Variants in ZBTB20 observed in about 807,000 individuals in gnomAD.
The protein encoded by ZBTB20 is zinc finger and BTB domain-containing protein 20.
ZBTB20 carries 9 observed loss-of-function variants against 56.9 expected under a neutral mutation model. The observed-to-expected ratio is 0.16, with a 90% CI of 0.10 to 0.28. The LOEUF (loss-of-function observed/expected upper bound fraction) is 0.28, where lower values mean the gene tolerates loss of function less well. ZBTB20 is among the 10% of genes least tolerant of loss of function. The pLI is 1.00. For missense variants in ZBTB20, 655 were observed against 1,003.0 expected, an observed-to-expected ratio of 0.65 and a Z score of 4.69; for synonymous variants, 417 against 420.7, an observed-to-expected ratio of 0.99 and a Z score of 0.11.
chr3:115,099,161 GA>G (rs1331160181), intron 1 of ZBTB20, among the ~76,000 whole-genome samples: 1 of 151,202 alleles, frequency 6.6e-6, no homozygotes, highest in Non-Finnish European at 1.5e-5. Flanking sequence ...CTATAAAAAA[GA>G]AAAAAAGAAA....
rs1553778290 is a variant in ZBTB20 at position 114,315,568 on chromosome 3, A to AGAGT, written c.*23436_*23437insACTC. Reference sequence around the variant, plus strand: ...GTGTGTATTTTAGGTCTAAACATACAGTGTGTGTGTGTGTGTGTGTGTGTG... The same window carrying AGAGT: ...GTGTGTATTTTAGGTCTAAACATACAGAGTGTGTGTGTGTGTGTGTGTGTGTGTG... On this transcript the variant is annotated 3_prime_UTR_variant, in exon 12 of 12. Coordinates refer to ENST00000675478, the MANE Select transcript of ZBTB20 (RefSeq NM_001348800.3). The AGAGT allele has an allele frequency of 0.085, 12,598 of 147,632 alleles. 679 individuals are homozygous for AGAGT. The highest frequency in any genetic ancestry group is 0.098 in the Non-Finnish European group (6,555 of 67,064). 9.1% of individuals were successfully genotyped at this position (147,632 alleles called of 1,614,324 possible). A position where few individuals can be genotyped will look rare whatever the true frequency, so the allele number is the denominator to read the frequency against.
chr3:114,904,436 T>C (rs1258813438), intron 3 of ZBTB20: 2 of 152,054 alleles, frequency 1.3e-5, no homozygotes, highest in Admixed American at 6.6e-5. Context: ...TTACATGCTT[T>C]ACATTTAAAT....
intron 7 of ZBTB20, among the ~76,000 whole-genome samples, chr3:114,410,414 A>G (rs971774411): frequency 1.3e-5 from 2 of 152,284 alleles, no homozygotes; most frequent in East Asian, 3.9e-4. Context: ...GGAAAAGGAC[A>G]TTAGAGAGAA....
intron 5 of ZBTB20, among the ~76,000 whole-genome samples, chr3:114,763,739 G>T (rs2068596879): frequency 6.6e-6 from 1 of 151,962 alleles, no homozygotes; most frequent in East Asian, 1.9e-4. Flanking sequence ...GTGAGGTGAT[G>T]AATATATTAA....
chr3:114,654,230 T>C (rs2060278740), intron 6 of ZBTB20, among the ~76,000 whole-genome samples: 2 of 151,948 alleles, frequency 1.3e-5, no homozygotes, highest in African/African-American at 2.4e-5. Context: ...CCTTCTAATT[T>C]AGGATTAAAA....
chr3:114,673,440 T>C (rs1233418699), intron 6 of ZBTB20, among the ~76,000 whole-genome samples: 6 of 152,170 alleles, frequency 3.9e-5, no homozygotes, highest in African/African-American at 1.2e-4. Context: ...ATAATAATAA[T>C]AACCTCGACT....
chr3:114,951,406 G>A (rs938747276), intron 3 of ZBTB20, among the ~76,000 whole-genome samples: 1 of 152,034 alleles, frequency 6.6e-6, no homozygotes, highest in African/African-American at 2.4e-5. Flanking sequence ...AAAAGGGGCT[G>A]CAGAAAGTGA....
chr3:114,440,327 G>T (rs891834394), intron 7 of ZBTB20, among the ~76,000 whole-genome samples: 1 of 152,022 alleles, frequency 6.6e-6, no homozygotes, highest in African/African-American at 2.4e-5. Context: ...GATTTGTCCT[G>T]TAAGGAAGGG....
intron 6 of ZBTB20, among the ~76,000 whole-genome samples, chr3:114,559,132 A>G (rs1373169674): frequency 6.6e-6 from 1 of 152,174 alleles, no homozygotes; most frequent in African/African-American, 2.4e-5. Flanking sequence ...TCACTATTGT[A>G]TTTCCAGTGT....
chr3:114,400,740 C>T (rs1483234342), intron 7 of ZBTB20, among the ~76,000 whole-genome samples: 1 of 152,026 alleles, frequency 6.6e-6, no homozygotes, highest in Non-Finnish European at 1.5e-5. Flanking sequence ...CCTGAGGACC[C>T]GTTTTCTCCT....
intron 6 of ZBTB20, among the ~76,000 whole-genome samples, chr3:114,590,616 A>C (rs934280465): frequency 1.3e-5 from 2 of 152,096 alleles, no homozygotes; most frequent in African/African-American, 4.8e-5. Flanking sequence ...TATTATAGGA[A>C]ATGATGGTAA....
chr3:114,539,464 C>G (rs1227583507), intron 6 of ZBTB20, among the ~76,000 whole-genome samples: 1 of 152,038 alleles, frequency 6.6e-6, no homozygotes, highest in African/African-American at 2.4e-5. Context: ...TGCTTCTCTA[C>G]CTTAGGACAT....
chr3:114,390,776 G>A (rs1036777965), intron 7 of ZBTB20, among the ~76,000 whole-genome samples: 2 of 152,198 alleles, frequency 1.3e-5, no homozygotes, highest in South Asian at 2.1e-4. Context: ...GCATCTATGA[G>A]GCACCTGGAT....
At chr3:114,829,887 A>T (rs2073754500) in intron 4 of ZBTB20, among the ~76,000 whole-genome samples, 1 of 151,756 alleles carries the variant, frequency 6.6e-6, no homozygotes, top group African/African-American at 2.4e-5. Flanking sequence ...TTTCATGTTG[A>T]CTTTCCTTGA....
At chr3:114,384,013 T>A (rs1273780992) in intron 8 of ZBTB20, among the ~76,000 whole-genome samples, 1 of 152,070 alleles carries the variant, frequency 6.6e-6, no homozygotes, top group Non-Finnish European at 1.5e-5. Flanking sequence ...AGAGGCGAAC[T>A]CCCGACCAGA....
At chr3:114,982,756 AC>A (rs2078381376) in intron 2 of ZBTB20, among the ~76,000 whole-genome samples, 1 of 151,996 alleles carries the variant, frequency 6.6e-6, no homozygotes, top group Non-Finnish European at 1.5e-5. Flanking sequence ...AGTGTGCTGC[AC>A]CCAGTAACTC....
intron 7 of ZBTB20, among the ~76,000 whole-genome samples, chr3:114,404,431 T>C (rs192209948): frequency 7.2e-5 from 11 of 152,218 alleles, no homozygotes; most frequent in Admixed American, 7.2e-4. Context: ...AACAGCTCTG[T>C]TTGAATAATT....
chr3:114,994,824 C>T (rs890624957), intron 2 of ZBTB20, among the ~76,000 whole-genome samples: 3 of 151,858 alleles, frequency 2.0e-5, no homozygotes, highest in Admixed American at 2.0e-4. Context: ...GATGAATTTA[C>T]TGAAATCCCA....
chr3:114,759,959 C>T (rs1343300290), intron 5 of ZBTB20, among the ~76,000 whole-genome samples: 2 of 152,060 alleles, frequency 1.3e-5, no homozygotes, highest in Admixed American at 1.3e-4. Flanking sequence ...TGACAACACA[C>T]TTGAGTCCAT....
Sources: gnomAD v4.1 joint callset for allele counts (sites outside exome capture counted in the v4.1 genomes callset) on GRCh38, gnomAD v4.1.1 for gene constraint, MANE v1.5 for transcripts, NCBI Gene and HGNC (gene_info 2026-07-23, HGNC 2026-07-21) for gene names.